Variants in AFAP1L2 observed in about 807,000 individuals in gnomAD.
AFAP1L2 encodes the protein actin filament-associated protein 1-like 2.
In AFAP1L2, 46 loss-of-function variants were observed where a neutral mutation model predicts 99.3. That is an observed-to-expected ratio of 0.46 (90% CI 0.37 to 0.59). The LOEUF (loss-of-function observed/expected upper bound fraction) is 0.59. Ranked by LOEUF, AFAP1L2 falls within the 20% of genes least tolerant of loss-of-function variation. The pLI is 0.00. For synonymous variants in AFAP1L2, 397 were observed against 419.1 expected (o/e 0.95, Z 0.64); for missense variants, 959 against 1,034.9 (o/e 0.93, Z 1.01).
the AFAP1L2 span, chr10:114,286,304 T>C: frequency 6.2e-7 from 1 of 1,610,856 alleles, no homozygotes; most frequent in Non-Finnish European, 8.5e-7. Flanking sequence ...GCTCACTGAG[T>C]CACACTCCGA....
chr10:114,339,412 A>G (rs1264215894), intron 2 of AFAP1L2, among the ~76,000 whole-genome samples: 3 of 151,854 alleles, frequency 2.0e-5, no homozygotes, highest in Admixed American at 6.6e-5. Flanking sequence ...GCGCCACAAC[A>G]CTCCCGCCTA....
rs1361409416 is a variant in AFAP1L2, at chr10:114,384,323, G to GCC, written c.16+20116_16+20117insGG. On this transcript the variant is annotated intron_variant, in intron 1 of 18. Coordinates refer to ENST00000304129, the MANE Select transcript of AFAP1L2 (RefSeq NM_001001936.3). ...CTTCATCAATGGCATCTTGTCTGTC[G>GCC]TCCCCCCCCCGCTGCAAGTGATGAA... 8.7e-5 allele frequency among the ~76,000 whole-genome samples: 13 copies of GCC among 148,778 alleles called. 1 individual carries two copies. The highest frequency in any genetic ancestry group is 7.4e-4 in the Admixed American group (11 of 14,886).
intron 17 of AFAP1L2, 35 bp downstream of exon 17, chr10:114,297,185 G>A (rs2040375066): frequency 1.4e-6 from 2 of 1,456,778 alleles, no homozygotes; most frequent in African/African-American, 1.4e-5. Context: ...AGGGAGCCCT[G>A]CAAGCAGCCC....
chr10:114,319,559 T>TCC, intron 5 of AFAP1L2: 1 of 1,289,492 alleles, frequency 7.8e-7, no homozygotes, highest in Non-Finnish European at 1.0e-6. Flanking sequence ...GAGTAAGCAG[T>TCC]ACCCAAGGTG....
intron 1 of AFAP1L2, among the ~76,000 whole-genome samples, chr10:114,368,707 A>G (rs1016491320): frequency 6.6e-6 from 1 of 151,580 alleles, no homozygotes; most frequent in Non-Finnish European, 1.5e-5. Flanking sequence ...GAACCACCAC[A>G]CCCAGCCAAT....
At chr10:114,306,982 C>T (rs1280999496) in intron 10 of AFAP1L2, among the ~76,000 whole-genome samples, 1 of 152,010 alleles carries the variant, frequency 6.6e-6, no homozygotes, top group Non-Finnish European at 1.5e-5. Flanking sequence ...TCAACTGGGA[C>T]TCAGGAAGGG....
intron 1 of AFAP1L2, among the ~76,000 whole-genome samples, chr10:114,351,764 C>T (rs1022016566): frequency 1.3e-5 from 2 of 152,212 alleles, no homozygotes; most frequent in African/African-American, 2.4e-5. Context: ...CCCTCTGAAC[C>T]GGAAGTGCCC....
chr10:114,383,213 C>G (rs1203052623), intron 1 of AFAP1L2, among the ~76,000 whole-genome samples: 1 of 152,154 alleles, frequency 6.6e-6, no homozygotes, highest in Non-Finnish European at 1.5e-5. Flanking sequence ...CTGGCAAGGG[C>G]AGGTGAATGA....
intron 6 of AFAP1L2, among the ~76,000 whole-genome samples, chr10:114,315,231 C>T (rs183319172): frequency 2.1e-4 from 31 of 144,778 alleles, no homozygotes; most frequent in African/African-American, 7.0e-4. Context: ...TGGACTCCAG[C>T]GGACAGGATG....
Position 114,351,606 on chromosome 10 carries a change from C to G in AFAP1L2, c.17-10875G>C, listed in dbSNP as rs78286232. On this transcript the variant is annotated intron_variant, in intron 1 of 18. Coordinates refer to ENST00000304129, the MANE Select transcript of AFAP1L2 (RefSeq NM_001001936.3). ...GCACGCGAGGCTGATTAGGTGCCCA[C>G]TGGACCACCAGGCAAAAGCCCTTCC... Among the ~76,000 whole-genome samples the G allele has an allele frequency of 7.2e-3, 1,092 of 152,316 alleles. 19 individuals are homozygous for G. Among genetic ancestry groups the G allele is most frequent in the African/African-American group, 0.025 (1,044 of 41,562 alleles).
At chr10:114,385,296 C>T (rs1050332586) in intron 1 of AFAP1L2, among the ~76,000 whole-genome samples, 1 of 152,190 alleles carries the variant, frequency 6.6e-6, no homozygotes, top group Non-Finnish European at 1.5e-5. Context: ...GAGACAGCCA[C>T]AGAGTCCCAA....
chr10:114,338,221 A>G (rs1431301648), intron 2 of AFAP1L2, among the ~76,000 whole-genome samples: 1 of 152,200 alleles, frequency 6.6e-6, no homozygotes, highest in Non-Finnish European at 1.5e-5. Flanking sequence ...GGTTGGACAC[A>G]AAGAAGCATT....
downstream of AFAP1L2, chr10:114,290,179 G>C (rs2039426731): frequency 1.0e-5 from 16 of 1,538,980 alleles, no homozygotes; most frequent in Non-Finnish European, 1.3e-5. Context: ...ACTTAGGGTA[G>C]GGGTCTTCGG....
chr10:114,371,235 G>A lies in AFAP1L2; in HGVS notation c.17-30504C>T, dbSNP rs115461527. Reference sequence around the variant, plus strand: ...CATGCCAAACGCTTTGCTCAGCCTGGTTGTTGATACTCAGTTCTCAAAGGA... The same window carrying A: ...CATGCCAAACGCTTTGCTCAGCCTGATTGTTGATACTCAGTTCTCAAAGGA... On this transcript the variant is annotated intron_variant, in intron 1 of 18. Transcript: ENST00000304129. 5.2e-3 allele frequency among the ~76,000 whole-genome samples: 796 copies of A among 152,332 alleles called. 6 individuals are homozygous for A. Among genetic ancestry groups the A allele is most frequent in the African/African-American group, 0.018 (756 of 41,584 alleles).
At chr10:114,378,419 G>C (rs2055096742) in intron 1 of AFAP1L2, among the ~76,000 whole-genome samples, 1 of 152,174 alleles carries the variant, frequency 6.6e-6, no homozygotes, top group African/African-American at 2.4e-5. Context: ...CCCCTTCCAG[G>C]ATAAGCTGAT....
chr10:114,342,849 T>C (rs2135975294), intron 1 of AFAP1L2, among the ~76,000 whole-genome samples: 1 of 152,366 alleles, frequency 6.6e-6, no homozygotes, highest in Non-Finnish European at 1.5e-5. Flanking sequence ...CTCTCACAGC[T>C]CTGACTGCAT....
chr10:114,313,743 A>G, intron 7 of AFAP1L2, 128 bp downstream of exon 7: 1 of 967,698 alleles, frequency 1.0e-6, no homozygotes, highest in Non-Finnish European at 1.5e-6. Flanking sequence ...TACCACTTAG[A>G]ACACAGGAAG....
At chr10:114,301,026 G>A (rs771446017) in intron 13 of AFAP1L2, among the ~76,000 whole-genome samples, 131 of 152,226 alleles carry the variant, frequency 8.6e-4, no homozygotes, top group Admixed American at 1.6e-3. Flanking sequence ...AGTTGCCATC[G>A]GTGTGATCAT....
intron 16 of AFAP1L2, among the ~76,000 whole-genome samples, chr10:114,299,049 G>C (rs952661253): frequency 6.6e-6 from 1 of 152,172 alleles, no homozygotes; most frequent in African/African-American, 2.4e-5. Context: ...TTGATGTTCC[G>C]TCAGAGGCTT....
Sources: gnomAD v4.1 joint callset for allele counts (sites outside exome capture counted in the v4.1 genomes callset) on GRCh38, gnomAD v4.1.1 for gene constraint, MANE v1.5 for transcripts, NCBI Gene and HGNC (gene_info 2026-07-23, HGNC 2026-07-21) for gene names.